Variants in ZDHHC14 observed in about 807,000 individuals in gnomAD.
ZDHHC14 encodes zDHHC palmitoyltransferase 14.
A neutral mutation model predicts 47.7 loss-of-function variants in ZDHHC14; 16 were observed. The observed-to-expected ratio is 0.34, with a 90% confidence interval of 0.23 to 0.51. The LOEUF is 0.51. ZDHHC14 is among the 20% of genes least tolerant of loss of function. The pLI, the probability that ZDHHC14 is intolerant of heterozygous loss-of-function variation, is 0.97. For synonymous variants in ZDHHC14, 293 were observed against 278.9 expected (o/e 1.05, Z -0.50); for missense variants, 515 against 662.5 (o/e 0.78, Z 2.44).
chr6:157,606,279 A>T (rs759135702), intron 3 of ZDHHC14, among the ~76,000 whole-genome samples: 27 of 152,126 alleles, frequency 1.8e-4, no homozygotes, highest in Non-Finnish European at 3.2e-4. Flanking sequence ...AGCCATGGCC[A>T]ACATGGTAAA....
In ZDHHC14 at chr6:157,609,507, C is replaced by T. The variant is rs1025213643; in HGVS notation, c.565+16361C>T. Among the ~76,000 whole-genome samples the T allele has an allele frequency of 3.9e-5, 6 of 152,262 alleles. No homozygotes were observed. The East Asian group carries it at 5.8e-4, about 15-fold the overall frequency. On this transcript the variant is annotated intron_variant, in intron 3 of 8. Coordinates refer to ENST00000359775, the MANE Select transcript of ZDHHC14 (RefSeq NM_024630.3). ...CCCATCATCATCTCTCTCTTTTGCC[C>T]GGTGATCTACAATTTACAAAGCAAC...
At chr6:157,542,444 A>G (rs191915572) in intron 1 of ZDHHC14, 141 bp from the exon 2 acceptor site, 1,182 of 1,230,444 alleles carry the variant, frequency 9.6e-4, no homozygotes, top group Non-Finnish European at 1.3e-3. Flanking sequence ...TTTCACATAG[A>G]TGAATTTTTA....
Position 157,586,235 on chromosome 6 carries a change from A to C in ZDHHC14, c.407-6753A>C, listed in dbSNP as rs927754710. ...AGCACAATACAGATCTAGTGGCTGG[A>C]TAAATAAAACAAGGCAGGCGCAGTG... On this transcript the variant is annotated intron_variant, in intron 2 of 8. Transcript: ENST00000359775. The surrounding 1 kb of genome is among the most constrained non-coding windows in gnomAD (Gnocchi z 4.6). Among the ~76,000 whole-genome samples the C allele has an allele frequency of 6.6e-6, 1 of 152,146 alleles. No homozygotes were observed. The highest frequency in any genetic ancestry group is 1.5e-5 in the Non-Finnish European group (1 of 68,026).
At chr6:157,641,996 C>G (rs907805417) in intron 5 of ZDHHC14, among the ~76,000 whole-genome samples, 1 of 151,116 alleles carries the variant, frequency 6.6e-6, no homozygotes, top group East Asian at 1.9e-4. Context: ...TATTAAGGAC[C>G]GCCAAAGAGC....
intron 3 of ZDHHC14, among the ~76,000 whole-genome samples, chr6:157,608,407 G>T (rs1375538506): frequency 6.6e-6 from 1 of 151,856 alleles, no homozygotes; most frequent in African/African-American, 2.4e-5. Flanking sequence ...AGGGAGGTGA[G>T]TGACACAACG....
rs1554264587 is a variant in ZDHHC14 at position 157,540,910 on chromosome 6, G to GTATATATA, written c.246-1658_246-1651dup. On this transcript the variant is annotated intron_variant, in intron 1 of 8. Coordinates refer to ENST00000359775, the MANE Select transcript of ZDHHC14 (RefSeq NM_024630.3). ...TGTATGTGTGTGTGTGTGTGTGTGT[G>GTATATATA]TATATATATATATATATATATATAA... Among the ~76,000 whole-genome samples, 271 of 122,972 alleles carry GTATATATA rather than the reference G, an allele frequency of 2.2e-3. 5 individuals carry two copies. Among genetic ancestry groups the GTATATATA allele is most frequent in the African/African-American group, 0.011 (254 of 23,064 alleles). The allele number at this position is 122,972 out of a possible 152,430, so 80.7% of individuals were successfully genotyped here. A position where few individuals can be genotyped will look rare whatever the true frequency, so the allele number is the denominator to read the frequency against.
chr6:157,623,591 T>G (rs1785282523), intron 3 of ZDHHC14, among the ~76,000 whole-genome samples: 1 of 149,912 alleles, frequency 6.7e-6, no homozygotes, highest in Non-Finnish European at 1.5e-5. Flanking sequence ...CGCTCAGGCT[T>G]TAGTGCAGTG....
At chr6:157,544,902 C>T (rs976897269) in intron 2 of ZDHHC14, among the ~76,000 whole-genome samples, 6 of 152,212 alleles carry the variant, frequency 3.9e-5, no homozygotes, top group African/African-American at 1.4e-4. Context: ...GATATGTCCA[C>T]ACAAGGACTT....
chr6:157,486,588 C>T (rs1583696626), intron 1 of ZDHHC14, among the ~76,000 whole-genome samples: 2 of 152,100 alleles, frequency 1.3e-5, no homozygotes, highest in South Asian at 2.1e-4. Flanking sequence ...GGCTGGGGGT[C>T]CAGAGATAGG....
chr6:157,505,140 C>G (rs1288521454), intron 1 of ZDHHC14, among the ~76,000 whole-genome samples: 1 of 152,128 alleles, frequency 6.6e-6, no homozygotes, highest in Non-Finnish European at 1.5e-5. Flanking sequence ...CAAAAGCAAG[C>G]ATATTCAAGC....
intron 1 of ZDHHC14, among the ~76,000 whole-genome samples, chr6:157,388,870 C>G (rs143430137): frequency 1.3e-5 from 2 of 152,336 alleles, no homozygotes; most frequent in African/African-American, 4.8e-5. Context: ...GGTCCTCTCT[C>G]TTGGCCCAGT....
intron 1 of ZDHHC14, among the ~76,000 whole-genome samples, chr6:157,424,067 A>G (rs951887057): frequency 3.3e-5 from 5 of 152,220 alleles, no homozygotes; most frequent in South Asian, 2.1e-4. Context: ...GCTTTGCATA[A>G]CAGTCTGTTC....
At chr6:157,587,500 A>C (rs1582982236) in intron 2 of ZDHHC14, among the ~76,000 whole-genome samples, 1 of 152,138 alleles carries the variant, frequency 6.6e-6, no homozygotes, top group South Asian at 2.1e-4. Context: ...CAGATGTGGC[A>C]CCTGCCAAAA....
intron 1 of ZDHHC14, among the ~76,000 whole-genome samples, chr6:157,512,784 G>A (rs2114752719): frequency 6.6e-6 from 1 of 152,286 alleles, no homozygotes; most frequent in South Asian, 2.1e-4. Flanking sequence ...TTTCTAATCT[G>A]TACACTCATC....
In ZDHHC14 at chr6:157,647,363, A is replaced by C; in HGVS notation, c.960A>C (p.Ser320=). 1 of 1,612,606 alleles carries C rather than the reference A, an allele frequency of 6.2e-7. No homozygotes were observed. The highest frequency in any genetic ancestry group is 8.5e-7 in the Non-Finnish European group (1 of 1,178,882). The part of the protein sequence containing the change: ...NCCVALCGPI[S]PSLIDRRGYI... ...GTGTTGCCCTGTGTGGGCCCATCTC[A>C]CCAAGGTAAGACTCAGGACGCATCG... Residue 320 remains serine (S), a synonymous_variant, in exon 7 of 9, where the codon TCA becomes TCC. Transcript: ENST00000359775.
At chr6:157,522,016 G>A (rs2114767196) in intron 1 of ZDHHC14, among the ~76,000 whole-genome samples, 1 of 108,028 alleles carries the variant, frequency 9.3e-6, no homozygotes, top group African/African-American at 4.1e-5. Flanking sequence ...TATATAACAA[G>A]TTGCATTTTT....
intron 3 of ZDHHC14, among the ~76,000 whole-genome samples, chr6:157,606,817 G>A (rs1030842713): frequency 4.6e-5 from 7 of 152,242 alleles, no homozygotes; most frequent in Non-Finnish European, 1.0e-4. Flanking sequence ...CCACGAACTT[G>A]GAGAGGAAAA....
intron 1 of ZDHHC14, among the ~76,000 whole-genome samples, chr6:157,472,543 A>G (rs1397396907): frequency 1.3e-5 from 2 of 152,066 alleles, no homozygotes; most frequent in Non-Finnish European, 2.9e-5. Context: ...AGAAAACACA[A>G]TTATGCACTC....
In ZDHHC14 at chr6:157,466,940, C is replaced by T. The variant is rs894417647; in HGVS notation, c.246-75645C>T. Among the ~76,000 whole-genome samples the T allele has an allele frequency of 3.9e-5, 6 of 152,114 alleles. No homozygotes were observed. The East Asian group carries it at 7.7e-4, about 20-fold the overall frequency. ...GGCCTGAGAGGTCTGGTGGGAACTG[C>T]GCAGTAGCTGCCCTCACATGGCGAG... On this transcript the variant is annotated intron_variant, in intron 1 of 8. Coordinates refer to ENST00000359775, the MANE Select transcript of ZDHHC14 (RefSeq NM_024630.3).
Sources: gnomAD v4.1 joint callset for allele counts (sites outside exome capture counted in the v4.1 genomes callset) on GRCh38, gnomAD v4.1.1 for gene constraint, Gnocchi (gnomAD v3.1) non-coding constraint, MANE v1.5 for transcripts, NCBI Gene and HGNC (gene_info 2026-07-23, HGNC 2026-07-21) for gene names.